ZMIZ1: variants seen among roughly 807,000 people sequenced by gnomAD.
ZMIZ1 encodes zinc finger MIZ-type containing 1, also known as zinc finger MIZ domain-containing protein 1.
In ZMIZ1, 17 loss-of-function variants were observed where a neutral mutation model predicts 113.9. The observed-to-expected ratio is 0.15, with a 90% CI of 0.10 to 0.22. ZMIZ1 has a LOEUF of 0.22. ZMIZ1 is among the 10% of genes least tolerant of loss of function. The pLI, the probability that ZMIZ1 is intolerant of heterozygous loss-of-function variation, is 1.00. For synonymous variants in ZMIZ1, 607 were observed against 603.1 expected (o/e 1.01, Z -0.09); for missense variants, 1,059 against 1,477.8 (o/e 0.72, Z 4.65).
At position 79,171,460 on chromosome 10, in the gene ZMIZ1, G is replaced by T. The variant is rs551376681; in HGVS notation, c.-50+9327G>T. ...ACAGCACCCACCTTCAGGCCTCTGC[G>T]CAAGTCAGCCCCTCTCCACTGCTCT... On this transcript the variant is annotated intron_variant, in intron 4 of 24. Transcript: ENST00000334512. Among the ~76,000 whole-genome samples, 3 of 152,306 alleles carry T rather than the reference G, an allele frequency of 2.0e-5. No individual in the cohort carries two copies. The South Asian group carries it at 6.2e-4, about 32-fold the overall frequency.
intron 4 of ZMIZ1, among the ~76,000 whole-genome samples, chr10:79,176,544 T>C (rs983822750): frequency 7.2e-5 from 11 of 151,982 alleles, no homozygotes; most frequent in African/African-American, 2.7e-4. Flanking sequence ...GCACAGCCCA[T>C]TGGCATAACA....
intron 1 of ZMIZ1, among the ~76,000 whole-genome samples, chr10:79,072,446 C>T (rs1028742874): frequency 1.3e-5 from 2 of 152,194 alleles, no homozygotes; most frequent in African/African-American, 2.4e-5. Flanking sequence ...CTGTTTCTTC[C>T]TGATGGCGGG....
At chr10:79,289,214 T>C (rs1853301283) in intron 8 of ZMIZ1, among the ~76,000 whole-genome samples, 1 of 151,970 alleles carries the variant, frequency 6.6e-6, no homozygotes, top group South Asian at 2.1e-4. Flanking sequence ...GGTAGGCCTG[T>C]ACCCACATTG....
chr10:79,293,797 T>TAA (rs1300514615), intron 12 of ZMIZ1, 144 bp downstream of exon 12: 1 of 1,301,986 alleles, frequency 7.7e-7, no homozygotes, highest in Non-Finnish European at 1.1e-6. Context: ...GGTCAGGTGC[T>TAA]CCTGGGTTTG....
intron 5 of ZMIZ1, among the ~76,000 whole-genome samples, chr10:79,202,695 C>T (rs1356879216): frequency 6.6e-5 from 10 of 152,230 alleles, no homozygotes; most frequent in African/African-American, 1.7e-4. Context: ...TTCACAGGGG[C>T]GCCCCCAAGC....
At chr10:79,300,128 C>G (rs554069666) in intron 16 of ZMIZ1, among the ~76,000 whole-genome samples, 1 of 152,350 alleles carries the variant, frequency 6.6e-6, no homozygotes, top group Admixed American at 6.5e-5. Context: ...GGACAGAGGT[C>G]CCTGGCACGG....
At chr10:79,304,701 G>A (rs1263937931) in intron 19 of ZMIZ1, among the ~76,000 whole-genome samples, 2 of 152,238 alleles carry the variant, frequency 1.3e-5, no homozygotes, top group Admixed American at 6.5e-5. Flanking sequence ...TCCTGAGGGT[G>A]CAGTGGGACA....
intron 1 of ZMIZ1, among the ~76,000 whole-genome samples, chr10:79,082,160 C>T (rs952424158): frequency 3.3e-5 from 5 of 151,954 alleles, no homozygotes; most frequent in African/African-American, 9.7e-5. Flanking sequence ...TTTTGCAAAG[C>T]GGCTGGGCCT....
At chr10:79,082,106 G>T (rs1842679679) in intron 1 of ZMIZ1, among the ~76,000 whole-genome samples, 1 of 152,250 alleles carries the variant, frequency 6.6e-6, no homozygotes, top group Non-Finnish European at 1.5e-5. Context: ...TGCCTCCATG[G>T]CTGTGGCAGT....
chr10:79,309,378 C>T (rs1220902924), intron 23 of ZMIZ1, among the ~76,000 whole-genome samples: 1 of 152,238 alleles, frequency 6.6e-6, no homozygotes, highest in South Asian at 2.1e-4. Flanking sequence ...CCTCCCTGCT[C>T]TCCCAGGGTG....
intron 7 of ZMIZ1, among the ~76,000 whole-genome samples, chr10:79,221,329 C>G (rs758045180): frequency 1.3e-5 from 2 of 152,196 alleles, no homozygotes; most frequent in Non-Finnish European, 2.9e-5. Flanking sequence ...CACAGGCAGT[C>G]ACTGCAGCAG....
intron 24 of ZMIZ1, 94 bp downstream of exon 24, chr10:79,311,278 G>T (rs976065323): frequency 1.8e-6 from 1 of 544,752 alleles, no homozygotes; most frequent in Non-Finnish European, 2.9e-6. Context: ...TCGAGGCCCC[G>T]AAGGGAGGAG....
intron 5 of ZMIZ1, among the ~76,000 whole-genome samples, chr10:79,204,815 A>G (rs1177160038): frequency 6.6e-6 from 1 of 152,192 alleles, no homozygotes; most frequent in Non-Finnish European, 1.5e-5. Flanking sequence ...GGATAAATAG[A>G]TGAATGAACA....
intron 7 of ZMIZ1, among the ~76,000 whole-genome samples, chr10:79,231,555 G>A (rs1327714232): frequency 6.6e-6 from 1 of 151,696 alleles, no homozygotes; most frequent in East Asian, 1.9e-4. Context: ...AGGAAGCCTG[G>A]TGGGGGGTTT....
intron 4 of ZMIZ1, among the ~76,000 whole-genome samples, chr10:79,164,449 G>A (rs1467090013): frequency 5.5e-5 from 3 of 54,150 alleles, no homozygotes; most frequent in South Asian, 6.6e-4. Context: ...ATTCTCATGC[G>A]TCTCTAGGTA....
chr10:79,162,904 TGGGGCCAGCAGGTCCTAAGGTC>T (rs903963735), intron 4 of ZMIZ1, among the ~76,000 whole-genome samples: 7 of 152,150 alleles, frequency 4.6e-5, no homozygotes, highest in South Asian at 2.1e-4. Context: ...TGAGAGCAGC[TGGGGCCAGCAGGTCCTAAGGTC>T]GGGGCCAGCA....
At chr10:79,298,329 G>T in intron 14 of ZMIZ1, 77 bp from the exon 15 acceptor site, 1 of 1,484,862 alleles carries the variant, frequency 6.7e-7, no homozygotes. Flanking sequence ...TGGGATGAGT[G>T]CGGTGTATGT....
chr10:79,221,877 G>T (rs1848986976), intron 7 of ZMIZ1, among the ~76,000 whole-genome samples: 1 of 152,392 alleles, frequency 6.6e-6, no homozygotes, highest in Admixed American at 6.5e-5. Flanking sequence ...AATGCCTGCT[G>T]CCTTCTCGCG....
chr10:79,245,365 G>A (rs987344367), intron 7 of ZMIZ1, among the ~76,000 whole-genome samples: 6 of 152,228 alleles, frequency 3.9e-5, no homozygotes, highest in Non-Finnish European at 2.9e-5. Flanking sequence ...CTTGATGCCA[G>A]TGGGCTCCCT....
Sources: allele counts gnomAD v4.1 joint callset (sites outside exome capture counted in the v4.1 genomes callset), GRCh38; gene constraint gnomAD v4.1.1; transcripts MANE v1.5; gene names NCBI Gene and HGNC (gene_info 2026-07-23, HGNC 2026-07-21).